TAFA2: variants seen among roughly 807,000 people sequenced by gnomAD.
TAFA2 encodes chemokine-like protein TAFA-2.
Under a neutral mutation model 18.8 loss-of-function variants are expected in TAFA2, and 7 were observed. The observed-to-expected ratio is 0.37, with a 90% CI of 0.21 to 0.70. The LOEUF (loss-of-function observed/expected upper bound fraction) is 0.70, where lower values mean the gene tolerates loss of function less well. Ranked by LOEUF, TAFA2 falls within the 30% of genes least tolerant of loss-of-function variation. The pLI, the probability that TAFA2 is intolerant of heterozygous loss-of-function variation, is 0.53. For missense variants in TAFA2, 122 were observed against 158.1 expected, an observed-to-expected ratio of 0.77 and a Z score of 1.23; for synonymous variants, 60 against 54.2, an observed-to-expected ratio of 1.11 and a Z score of -0.47.
At chr12:61,986,042 C>A (rs1170377433) in intron 1 of TAFA2, among the ~76,000 whole-genome samples, 44 of 150,538 alleles carry the variant, frequency 2.9e-4, no homozygotes, top group Admixed American at 2.9e-3. Flanking sequence ...CTGGTGACCT[C>A]GAAATAAACA....
At chr12:61,899,457 C>T (rs1876000441) in intron 1 of TAFA2, among the ~76,000 whole-genome samples, 1 of 152,138 alleles carries the variant, frequency 6.6e-6, no homozygotes, top group South Asian at 2.1e-4. Context: ...ACTATCATGG[C>T]AGAAGGGGAA....
chr12:61,835,217 A>G (rs1018351069), intron 2 of TAFA2, among the ~76,000 whole-genome samples: 12 of 152,062 alleles, frequency 7.9e-5, no homozygotes, highest in African/African-American at 2.9e-4. Flanking sequence ...CAGTAATGCT[A>G]TTCTTTCCAG....
intron 1 of TAFA2, among the ~76,000 whole-genome samples, chr12:62,120,040 GA>G (rs1245019435): frequency 1.3e-5 from 2 of 150,412 alleles, no homozygotes; most frequent in Non-Finnish European, 3.0e-5. Flanking sequence ...CCAGCCTGGG[GA>G]AAAAGAGCGA....
intron 2 of TAFA2, among the ~76,000 whole-genome samples, chr12:61,864,324 T>C (rs1346716819): frequency 6.7e-6 from 1 of 149,804 alleles, no homozygotes; most frequent in Non-Finnish European, 1.5e-5. Context: ...GATCATCAGA[T>C]AGAAATATAT....
At position 61,869,019 on chromosome 12, in the gene TAFA2, A is replaced by G. The variant is rs1319275241; in HGVS notation, c.-1-1593T>C. 3.9e-5 allele frequency among the ~76,000 whole-genome samples: 6 copies of G among 152,272 alleles called. No individual in the cohort carries two copies. In the East Asian group the frequency reaches 9.7e-4, roughly 25 times the overall value. ...CTGACAAACATGTACTAAGGATTCAATGGCTATGATATTAGAGAATAGTGA... is the reference window on the plus strand; with the variant it reads ...CTGACAAACATGTACTAAGGATTCAGTGGCTATGATATTAGAGAATAGTGA... On this transcript the variant is annotated intron_variant, in intron 1 of 4. Transcript: ENST00000416284.
At chr12:62,030,341 A>C (rs1297299873) in intron 1 of TAFA2, among the ~76,000 whole-genome samples, 3 of 152,174 alleles carry the variant, frequency 2.0e-5, no homozygotes, top group Non-Finnish European at 4.4e-5. Context: ...ATCTATATAC[A>C]TATTTAAATG....
intron 1 of TAFA2, among the ~76,000 whole-genome samples, chr12:62,236,098 T>C (rs1260725099): frequency 3.3e-5 from 5 of 152,192 alleles, no homozygotes; most frequent in African/African-American, 1.2e-4. Context: ...TTATACTTCC[T>C]ATCTTTTAAC....
At chr12:61,772,953 A>G (rs769374467) in intron 2 of TAFA2, among the ~76,000 whole-genome samples, 2 of 151,986 alleles carry the variant, frequency 1.3e-5, no homozygotes, top group Admixed American at 6.6e-5. Context: ...TCATATACCT[A>G]GAAAATCCTA....
chr12:61,741,613 T>C (rs1388232211), intron 4 of TAFA2, among the ~76,000 whole-genome samples: 2 of 152,098 alleles, frequency 1.3e-5, no homozygotes, highest in East Asian at 1.9e-4. Context: ...TTATGGGCCA[T>C]GCAATATTAA....
intron 4 of TAFA2, among the ~76,000 whole-genome samples, chr12:61,741,364 C>CAT (rs1036110062): frequency 6.6e-6 from 1 of 151,498 alleles, no homozygotes. Flanking sequence ...CACACACACA[C>CAT]ATATATATGT....
intron 1 of TAFA2, among the ~76,000 whole-genome samples, chr12:62,059,601 T>C (rs945735225): frequency 3.3e-5 from 5 of 152,096 alleles, no homozygotes; most frequent in Admixed American, 3.3e-4. Context: ...AATAAGGTAT[T>C]ATTTGAGCAG....
intron 1 of TAFA2, among the ~76,000 whole-genome samples, chr12:62,145,275 C>G (rs960659540): frequency 6.6e-6 from 1 of 152,210 alleles, no homozygotes; most frequent in Non-Finnish European, 1.5e-5. Context: ...GTCCAGAGAG[C>G]AGTACCGCCT....
At chr12:61,975,586 G>T (rs917519000) in intron 1 of TAFA2, among the ~76,000 whole-genome samples, 4 of 142,440 alleles carry the variant, frequency 2.8e-5, no homozygotes, top group Non-Finnish European at 4.6e-5. Flanking sequence ...CAGACACTTA[G>T]GTTGTTTCCA....
rs986170858 is a variant in TAFA2 at position 62,235,418 on chromosome 12, G to A, written c.-130+23345C>T. The A allele has an allele frequency of 4.6e-6, 3 of 655,160 alleles. No individual in the cohort carries two copies. The African/African-American group carries it at 5.5e-5, about 12-fold the overall frequency. The allele number at this position is 655,160 out of a possible 1,614,324, so 40.6% of individuals were successfully genotyped here. A position where few individuals can be genotyped will look rare whatever the true frequency, so the allele number is the denominator to read the frequency against. ...AAGATGAGTCATGTTCAAGATGGGT[G>A]CTGAGTTCTACTTATCCTGGGCAGC... is the stretch of plus-strand genomic sequence containing the variant. On this transcript the variant is annotated intron_variant, in intron 1 of 5. Transcript: ENST00000551619.
intron 2 of TAFA2, among the ~76,000 whole-genome samples, chr12:61,759,052 G>A (rs1157887314): frequency 6.6e-6 from 1 of 151,980 alleles, no homozygotes; most frequent in African/African-American, 2.4e-5. Flanking sequence ...TCTGAGAAAA[G>A]AGGCACCATT....
chr12:62,154,032 C>T (rs2062351341), intron 1 of TAFA2, among the ~76,000 whole-genome samples: 1 of 151,938 alleles, frequency 6.6e-6, no homozygotes, highest in Non-Finnish European at 1.5e-5. Context: ...TCCTTTGCCT[C>T]AACCTCCTGA....
chr12:62,231,938 C>A (rs1238624996), intron 1 of TAFA2, among the ~76,000 whole-genome samples: 1 of 152,124 alleles, frequency 6.6e-6, no homozygotes, highest in African/African-American at 2.4e-5. Context: ...AAACTCCTGG[C>A]CTCAAGTTAT....
At chr12:61,773,385 G>A (rs1870115260) in intron 2 of TAFA2, among the ~76,000 whole-genome samples, 2 of 151,692 alleles carry the variant, frequency 1.3e-5, no homozygotes, top group Non-Finnish European at 2.9e-5. Context: ...CCAAAAAAGG[G>A]CCCACACAGC....
intron 1 of TAFA2, among the ~76,000 whole-genome samples, chr12:62,120,944 C>T (rs1385703173): frequency 6.6e-6 from 1 of 152,030 alleles, no homozygotes; most frequent in Admixed American, 6.6e-5. Flanking sequence ...CAGCCTCTGC[C>T]TCCTGGGTTC....
Sources: gnomAD v4.1 joint callset for allele counts (sites outside exome capture counted in the v4.1 genomes callset) on GRCh38, gnomAD v4.1.1 for gene constraint, MANE v1.5 for transcripts, NCBI Gene and HGNC (gene_info 2026-07-23, HGNC 2026-07-21) for gene names.